Variants in ATG16L1 observed in about 807,000 individuals in gnomAD.
ATG16L1 encodes the protein autophagy-related protein 16-1.
A neutral mutation model predicts 88.5 loss-of-function variants in ATG16L1; 37 were observed. That is an observed-to-expected ratio of 0.42 (90% confidence interval 0.32 to 0.55). ATG16L1 has a LOEUF of 0.55. Ranked by LOEUF, ATG16L1 falls within the 20% of genes least tolerant of loss-of-function variation. The pLI, the probability that ATG16L1 is intolerant of heterozygous loss-of-function variation, is 0.13. For synonymous variants in ATG16L1, 301 were observed against 281.0 expected, an observed-to-expected ratio of 1.07 and a Z score of -0.71; for missense variants, 554 against 752.8, an observed-to-expected ratio of 0.74 and a Z score of 3.09.
intron 11 of ATG16L1, among the ~76,000 whole-genome samples, chr2:233,281,901 A>G (rs763722950): frequency 9.9e-5 from 15 of 152,058 alleles, no homozygotes; most frequent in Non-Finnish European, 1.9e-4. Flanking sequence ...GTGGTGGTCT[A>G]TATCTGTTTC....
At chr2:233,276,472 C>T (rs1459003094) in intron 9 of ATG16L1, among the ~76,000 whole-genome samples, 1 of 151,990 alleles carries the variant, frequency 6.6e-6, no homozygotes, top group Non-Finnish European at 1.5e-5. Flanking sequence ...TCGATTATTC[C>T]CTTTTCCCAT....
At position 233,294,439 on chromosome 2, in the gene ATG16L1, G is replaced by A. The variant is rs768990598; in HGVS notation, c.*89G>A. 9.4e-7 allele frequency: 1 copy of A among 1,060,106 alleles called. No homozygotes were observed. The highest frequency in any genetic ancestry group is 1.4e-6 in the Non-Finnish European group (1 of 711,452). The allele number at this position is 1,060,106 out of a possible 1,614,324, so 65.7% of individuals were successfully genotyped here. On this transcript the variant is annotated 3_prime_UTR_variant, in exon 18 of 18. Transcript: ENST00000392017. ...GCCCTGTCCTGGCAGGTGATGTGCT[G>A]GGTATAGCATGGACCTCCCAGAGAA...
At chr2:233,282,424 G>A (rs562377782) in intron 11 of ATG16L1, among the ~76,000 whole-genome samples, 1 of 152,302 alleles carries the variant, frequency 6.6e-6, no homozygotes, top group East Asian at 1.9e-4. Flanking sequence ...AGTGAGTAGG[G>A]AAGGCTGGGT....
chr2:233,291,248 G>C (rs991133642), intron 14 of ATG16L1, among the ~76,000 whole-genome samples: 4 of 152,078 alleles, frequency 2.6e-5, no homozygotes, highest in Non-Finnish European at 5.9e-5. Flanking sequence ...CAATGCTCAT[G>C]GTTCCTGGAC....
chr2:233,273,129 A>G, intron 7 of ATG16L1, 77 bp downstream of exon 7: 1 of 1,277,358 alleles, frequency 7.8e-7, no homozygotes, highest in Non-Finnish European at 1.1e-6. Context: ...CATGACAAAG[A>G]ATGCAGTCAG....
rs368068803 is a variant in ATG16L1, at chr2:233,261,201, C to T, written c.210-1929C>T. ...CGATCTCCTGACCTCGTGATCCGCC[C>T]GCCTCGGCCTCCCAAAGTGCTGGGG... On this transcript the variant is annotated intron_variant, in intron 2 of 17. Transcript: ENST00000392017. Among the ~76,000 whole-genome samples, 27 of 152,234 alleles carry T rather than the reference C, an allele frequency of 1.8e-4. No homozygotes were observed. The East Asian group carries it at 5.0e-3, about 28-fold the overall frequency.
At chr2:233,261,249 C>T (rs1038496248) in intron 2 of ATG16L1, among the ~76,000 whole-genome samples, 8 of 152,212 alleles carry the variant, frequency 5.3e-5, no homozygotes, top group African/African-American at 1.9e-4. Flanking sequence ...GCCACCGCTC[C>T]CGGCCTGTTG....
intron 2 of ATG16L1, among the ~76,000 whole-genome samples, chr2:233,259,209 A>T (rs1158235274): frequency 2.0e-5 from 3 of 152,112 alleles, no homozygotes; most frequent in Non-Finnish European, 4.4e-5. Context: ...AAAGTGTGGG[A>T]AGAGGTGATT....
intron 1 of ATG16L1, 138 bp downstream of exon 1, chr2:233,252,080 A>G: frequency 3.3e-6 from 2 of 597,472 alleles, no homozygotes; most frequent in Non-Finnish European, 5.4e-6. Flanking sequence ...CGCGCTTGGG[A>G]CGCCGCACGC....
chr2:233,267,317 C>G (rs1369360723), intron 5 of ATG16L1, among the ~76,000 whole-genome samples: 1 of 152,222 alleles, frequency 6.6e-6, no homozygotes, highest in Non-Finnish European at 1.5e-5. Flanking sequence ...CCACTAGGCT[C>G]TAGCCTGGGC....
At chr2:233,279,546 C>T (rs1009151468) in intron 10 of ATG16L1, among the ~76,000 whole-genome samples, 1 of 152,172 alleles carries the variant, frequency 6.6e-6, no homozygotes, top group African/African-American at 2.4e-5. Context: ...CAAGATTTTT[C>T]GTCTTGGCAA....
At position 233,292,149 on chromosome 2, in the gene ATG16L1, G is replaced by C. The variant is rs752838988; in HGVS notation, c.1452G>C (p.Glu484Asp). ...WDIRSESIVR[E>D]MELLGKITAL... ...TTAGATCAGAGAGCATAGTTCGAGA[G>C]ATGGAGCTGTTGGGAAAGATTACTG... The change falls in exon 15 of 18, where the codon GAG (glutamate) becomes GAC (aspartate). Residue 484 changes from glutamate to aspartate, a missense_variant. Coordinates refer to ENST00000392017, the MANE Select transcript of ATG16L1 (RefSeq NM_030803.7). The C allele has an allele frequency of 3.1e-6, 5 of 1,614,246 alleles. No individual in the cohort carries two copies. In the South Asian group the frequency reaches 5.5e-5, roughly 18 times the overall value.
intron 6 of ATG16L1, among the ~76,000 whole-genome samples, chr2:233,271,490 C>G (rs1375073994): frequency 6.6e-6 from 1 of 152,198 alleles, no homozygotes; most frequent in African/African-American, 2.4e-5. Flanking sequence ...GTTGGTCAGG[C>G]TGGTCTCGAA....
At chr2:233,274,900 C>T (rs1432026493) in intron 9 of ATG16L1, 122 bp downstream of exon 9, 2 of 646,380 alleles carry the variant, frequency 3.1e-6, no homozygotes, top group East Asian at 3.0e-5. Context: ...CAAGCCTTTC[C>T]ACCTTTTGGC....
chr2:233,288,776 G>A (rs1399044544), intron 12 of ATG16L1: 3 of 519,086 alleles, frequency 5.8e-6, no homozygotes, highest in South Asian at 2.8e-5. Flanking sequence ...GAAGTGCTGC[G>A]ATGGGCAGAA....
intron 12 of ATG16L1, among the ~76,000 whole-genome samples, chr2:233,283,184 G>T (rs1383385379): frequency 6.6e-6 from 1 of 152,156 alleles, no homozygotes; most frequent in African/African-American, 2.4e-5. Flanking sequence ...AGAAAGAGGG[G>T]ACAGGTGTCA....
At chr2:233,285,023 G>A (rs981859938) in intron 12 of ATG16L1, among the ~76,000 whole-genome samples, 1 of 152,198 alleles carries the variant, frequency 6.6e-6, no homozygotes, top group Non-Finnish European at 1.5e-5. Flanking sequence ...TCTTAATGAC[G>A]GACTAGGGAA....
chr2:233,261,191 G>A (rs1178384842), intron 2 of ATG16L1, among the ~76,000 whole-genome samples: 4 of 152,088 alleles, frequency 2.6e-5, no homozygotes, highest in Non-Finnish European at 4.4e-5. Context: ...TCCTGACCTC[G>A]TGATCCGCCC....
intron 10 of ATG16L1, among the ~76,000 whole-genome samples, chr2:233,279,447 A>G (rs1234724421): frequency 6.6e-6 from 1 of 152,224 alleles, no homozygotes; most frequent in Non-Finnish European, 1.5e-5. Context: ...TCAAGTTTCT[A>G]CCTAATCTAC....
Sources: gnomAD v4.1 joint callset for allele counts (sites outside exome capture counted in the v4.1 genomes callset) on GRCh38, gnomAD v4.1.1 for gene constraint, MANE v1.5 for transcripts, NCBI Gene and HGNC (gene_info 2026-07-23, HGNC 2026-07-21) for gene names.